The following DPP8 variants were observed in gnomAD, a reference collection of about 807,000 sequenced individuals.
DPP8 encodes dipeptidyl peptidase 8, also known as DPP VIII.
Under a neutral mutation model 107.5 loss-of-function variants are expected in DPP8, and 31 were observed. The observed-to-expected ratio is 0.29, with a 90% CI of 0.22 to 0.39. The LOEUF (loss-of-function observed/expected upper bound fraction) is 0.39, where lower values mean the gene tolerates loss of function less well. Ranked by LOEUF, DPP8 falls within the 10% of genes least tolerant of loss-of-function variation. DPP8 has a pLI of 1.00. For synonymous variants in DPP8, 381 were observed against 356.6 expected, an observed-to-expected ratio of 1.07 and a Z score of -0.77; for missense variants, 842 against 1,076.1, an observed-to-expected ratio of 0.78 and a Z score of 3.04.
chr15:65,480,097 T>G, intron 10 of DPP8, 125 bp downstream of exon 10: 2 of 747,296 alleles, frequency 2.7e-6, no homozygotes, highest in South Asian at 3.9e-5. Flanking sequence ...GAAATGCTCA[T>G]ACTAAAGAAA....
chr15:65,515,966 A>T, intron 1 of DPP8: 1 of 476,336 alleles, frequency 2.1e-6, no homozygotes, highest in South Asian at 4.8e-5. Flanking sequence ...TCAGAATTCA[A>T]GAATTATTTT....
intron 8 of DPP8, 109 bp downstream of exon 8, chr15:65,484,990 C>A: frequency 1.2e-6 from 1 of 843,086 alleles, no homozygotes. Flanking sequence ...CCACCGATAT[C>A]TCAGCAAGTT....
rs1420391426 is a variant in DPP8, at chr15:65,466,700, C to T, written c.1803G>A (p.Trp601Ter). The change falls in exon 14 of 20, where the codon TGG (tryptophan) becomes TGA (stop). Residue 601 changes from tryptophan to a stop codon, truncating the protein, a stop_gained. Coordinates refer to ENST00000300141, the MANE Select transcript of DPP8 (RefSeq NM_130434.5). LOFTEE classifies it high-confidence loss of function. ...DDPTCKTKEF[W>*]ATILDSAGPL... ...TACCTGCTGAATCCAAAATGGTGGC[C>T]CAAAATTCCTTTGTTTTGCAAGTTG... 3 of 1,613,826 alleles carry T rather than the reference C, an allele frequency of 1.9e-6. No individual in the cohort carries two copies. The highest frequency in any genetic ancestry group is 1.1e-5 in the South Asian group (1 of 91,080).
chr15:65,486,388 CAA>C (rs1236055821), intron 7 of DPP8, among the ~76,000 whole-genome samples: 2 of 133,760 alleles, frequency 1.5e-5, no homozygotes, highest in African/African-American at 2.8e-5. Context: ...GGTGACAGAG[CAA>C]AAAAAAAAAC....
In DPP8 at chr15:65,463,812, T is replaced by C. The variant is rs1287791197; in HGVS notation, c.1920A>G (p.Leu640=). The part of the protein sequence containing the change: ...LYGMLYKPHD[L]QPGKKYPTVL... ...CAGTAGGATATTTCTTTCCAGGCTG[T>C]AGATCATGAGGCTTGTAGAGCATCC... is the stretch of plus-strand genomic sequence containing the variant. The change falls in exon 15 of 20, where the codon CTA becomes CTG. Residue 640 remains leucine (L), a synonymous_variant. Coordinates refer to ENST00000300141, the MANE Select transcript of DPP8 (RefSeq NM_130434.5). 1 of 1,613,252 alleles carries C rather than the reference T, an allele frequency of 6.2e-7. No homozygotes were observed. Among genetic ancestry groups the C allele is most frequent in the Admixed American group, 1.7e-5 (1 of 59,882 alleles).
chr15:65,487,908 T>G, intron 6 of DPP8, 90 bp from the exon 7 acceptor site: 1 of 864,496 alleles, frequency 1.2e-6, no homozygotes, highest in East Asian at 2.6e-5. Context: ...AGATTTCTTA[T>G]AGTGAAGAAT....
At chr15:65,478,850 T>TC in intron 11 of DPP8, 30 bp downstream of exon 11, 1 of 1,515,022 alleles carries the variant, frequency 6.6e-7, no homozygotes, top group Non-Finnish European at 8.9e-7. Flanking sequence ...CAACATTTTT[T>TC]CTTTTTTTAA....
intron 14 of DPP8, among the ~76,000 whole-genome samples, chr15:65,465,405 T>A (rs1346301347): frequency 6.6e-6 from 1 of 151,948 alleles, no homozygotes; most frequent in Non-Finnish European, 1.5e-5. Flanking sequence ...TGATCTCAAA[T>A]GATCCAACCA....
chr15:65,513,807 T>C lies in DPP8; in HGVS notation c.-11-1243A>G, dbSNP rs151128085. 4.4e-4 allele frequency among the ~76,000 whole-genome samples: 67 copies of C among 152,308 alleles called. No homozygotes were observed. The South Asian group carries it at 9.7e-3, about 22-fold the overall frequency. ...CCTTTATCTTTTCCAACATTTAACA[T>C]GAGCGAAGTACCAAATAACAAAAAG... On this transcript the variant is annotated intron_variant, in intron 1 of 19. Coordinates refer to ENST00000300141, the MANE Select transcript of DPP8 (RefSeq NM_130434.5).
chr15:65,453,051 A>G (rs1485586984), intron 17 of DPP8, among the ~76,000 whole-genome samples: 1 of 152,232 alleles, frequency 6.6e-6, no homozygotes, highest in African/African-American at 2.4e-5. Flanking sequence ...TAAAAAAGAA[A>G]CACTACTCAT....
At chr15:65,491,021 G>A (rs1021307159) in intron 5 of DPP8, among the ~76,000 whole-genome samples, 4 of 151,958 alleles carry the variant, frequency 2.6e-5, no homozygotes, top group African/African-American at 9.7e-5. Flanking sequence ...AGCCAGGCAT[G>A]GTGCCAGGAG....
chr15:65,504,102 C>T (rs1308382429), intron 3 of DPP8, among the ~76,000 whole-genome samples: 3 of 152,038 alleles, frequency 2.0e-5, no homozygotes, highest in Non-Finnish European at 4.4e-5. Flanking sequence ...GTGGCTCACG[C>T]CTGTAATCCC....
chr15:65,469,204 A>G (rs937631685), intron 12 of DPP8, among the ~76,000 whole-genome samples: 15 of 151,384 alleles, frequency 9.9e-5, no homozygotes, highest in Non-Finnish European at 1.2e-4. Context: ...CGAACTCCTG[A>G]CCTCAGATGA....
chr15:65,489,239 G>C (rs756857419), intron 6 of DPP8, among the ~76,000 whole-genome samples: 1 of 151,896 alleles, frequency 6.6e-6, no homozygotes, highest in Non-Finnish European at 1.5e-5. Context: ...GATTACATGC[G>C]TGAGTCACTG....
Position 65,512,367 on chromosome 15 carries a change from C to T in DPP8, c.187G>A (p.Ala63Thr). ...RKYHGYMMAK[A>T]PHDFMFVKRN... is the part of the protein sequence containing the mutation. ...TTCACAAACATGAAATCATGTGGTG[C>T]CTTAGCCATCATGTAGCCATGATAT... The change falls in exon 2 of 20, where the codon GCA becomes ACA. Residue 63 changes from alanine to threonine, a missense_variant. Around this residue, in one of 2 missense-constraint regions of DPP8, gnomAD observed 663 missense variants for 758.0 expected, o/e 0.87. Coordinates refer to ENST00000300141, the MANE Select transcript of DPP8 (RefSeq NM_130434.5). 2 of 1,614,074 alleles carry T rather than the reference C, an allele frequency of 1.2e-6. No homozygotes were observed. The highest frequency in any genetic ancestry group is 1.7e-6 in the Non-Finnish European group (2 of 1,180,004).
Position 65,480,305 on chromosome 15 carries a change from C to T in DPP8, c.1213G>A (p.Glu405Lys). The T allele has an allele frequency of 6.2e-7, 1 of 1,613,772 alleles. No homozygotes were observed. Among genetic ancestry groups the T allele is most frequent in the Non-Finnish European group, 8.5e-7 (1 of 1,179,904 alleles). Residue 405 changes from glutamate (E) to lysine (K), a missense_variant, in exon 10 of 20, where the codon GAA (glutamate) becomes AAA (lysine). This residue lies in a region of DPP8 where 663 missense variants were observed against 758.0 expected (regional missense o/e 0.87). Coordinates refer to ENST00000300141, the MANE Select transcript of DPP8 (RefSeq NM_130434.5). ...LFIPVEDDVM[E>K]RQRLIESVPD... is the part of the protein sequence containing the mutation. ...ACTGACTCAATGAGTCTCTGCCTTT[C>T]CATAACATCATCTTCTACTGGGATA...
At chr15:65,489,338 G>C (rs558737854) in intron 6 of DPP8, among the ~76,000 whole-genome samples, 5 of 151,212 alleles carry the variant, frequency 3.3e-5, no homozygotes, top group South Asian at 2.1e-4. Flanking sequence ...CTGGCAAAGA[G>C]AATTGAGGGG....
chr15:65,507,160 C>A, intron 3 of DPP8, 83 bp downstream of exon 3: 1 of 713,902 alleles, frequency 1.4e-6, no homozygotes, highest in South Asian at 2.7e-5. Flanking sequence ...ACATCTACTT[C>A]AAATATAAAA....
chr15:65,490,217 G>A lies in DPP8; in HGVS notation c.798C>T (p.Gly266=), dbSNP rs779374495. 3 of 1,609,602 alleles carry A rather than the reference G, an allele frequency of 1.9e-6. No individual in the cohort carries two copies. The highest frequency in any genetic ancestry group is 4.5e-5 in the East Asian group (2 of 44,856). Residue 266 remains glycine, a synonymous_variant, in exon 6 of 20, where the codon GGC becomes GGT. Coordinates refer to ENST00000300141, the MANE Select transcript of DPP8 (RefSeq NM_130434.5). ...VLQEEFDRYS[G]YWWCPKAETT... is the part of the protein sequence containing the mutation. ...TTTCAGCTTTTGGACACCACCAATA[G>A]CCAGAATATCTATCAAATTCTTCTT...
Sources: gnomAD v4.1 joint callset for allele counts (sites outside exome capture counted in the v4.1 genomes callset) on GRCh38, gnomAD v4.1.1 for gene constraint, gnomAD v4.1.1 regional missense constraint, MANE v1.5 for transcripts, NCBI Gene and HGNC (gene_info 2026-07-23, HGNC 2026-07-21) for gene names.